The following XIRP1 variants were observed in gnomAD, a reference collection of about 807,000 sequenced individuals.
The protein encoded by XIRP1 is xin actin binding repeat containing 1.
For synonymous variants in XIRP1, 984 were observed against 947.0 expected (o/e 1.04, Z -0.72); for missense variants, 2,378 against 2,345.4 (o/e 1.01, Z -0.29).
In XIRP1 at chr3:39,185,872, C is replaced by T; in HGVS notation, c.3574G>A (p.Gly1192Arg). 1.2e-6 allele frequency: 2 copies of T among 1,613,456 alleles called. No homozygotes were observed. Among genetic ancestry groups the T allele is most frequent in the Non-Finnish European group, 1.7e-6 (2 of 1,179,710 alleles). Residue 1192 changes from glycine (G) to arginine (R), a missense_variant, in exon 2 of 2, where the codon GGG becomes AGG. Transcript: ENST00000340369. ...GTGCAGCCCCCAGGCTCCTCCCGCC[C>T]TGGCCCAGTACTCTGACCTGGGCCT... The part of the protein sequence containing the change: ...QGGPGQSTGP[G>R]REEPGGCTQM...
In XIRP1 at chr3:39,186,106, G is replaced by A. The variant is rs143544601; in HGVS notation, c.3340C>T (p.Pro1114Ser). The part of the protein sequence containing the change: ...RPGGGSDPRI[P>S]AAPRKVSREE... ...CTACTGACCTTTCTGGGGGCTGCTGGGATCCGGGGATCACTTCCACCCCCA... is the reference window on the plus strand; with the variant it reads ...CTACTGACCTTTCTGGGGGCTGCTGAGATCCGGGGATCACTTCCACCCCCA... Residue 1114 changes from proline to serine, a missense_variant, in exon 2 of 2, where the codon CCA becomes TCA. Coordinates refer to ENST00000340369, the MANE Select transcript of XIRP1 (RefSeq NM_194293.4). 25 of 1,613,302 alleles carry A rather than the reference G, an allele frequency of 1.5e-5. No individual in the cohort carries two copies. The African/African-American group carries it at 3.1e-4, about 20-fold the overall frequency.
At position 39,188,392 on chromosome 3, in the gene XIRP1, G is replaced by A. The variant is rs1290769856; in HGVS notation, c.1054C>T (p.Arg352Ter). The change falls in exon 2 of 2, where the codon CGA becomes TGA. Residue 352 changes from arginine (R) to a stop codon, truncating the protein, a stop_gained. Transcript: ENST00000340369. LOFTEE classifies it low-confidence loss of function (END_TRUNC). ...TCCCCCTTCAGAGTGTCCAGCGCTC[G>A]GGTCTCAAACAGATGCTGCTGCTGC... ...VQQQQHLFETRALDTLKGDEE... is the reference protein window; with the variant it reads ...VQQQQHLFET 15 of 1,613,018 alleles carry A rather than the reference G, an allele frequency of 9.3e-6. No homozygotes were observed. Among genetic ancestry groups the A allele is most frequent in the Admixed American group, 6.7e-5 (4 of 59,990 alleles).
rs1448737586 is a variant in XIRP1 at position 39,185,434 on chromosome 3, G to A, written c.4012C>T (p.Pro1338Ser). ...AAGGGCTTGGGCAGCCTCTGAGGAG[G>A]GTGGCTCTGGGTTAGGTGTGCAGGT... The part of the protein sequence containing the change: ...PKPAHLTQSH[P>S]PQRLPKPLPL... Residue 1338 changes from proline (P) to serine (S), a missense_variant, in exon 2 of 2, where the codon CCT becomes TCT. Coordinates refer to ENST00000340369, the MANE Select transcript of XIRP1 (RefSeq NM_194293.4). 6.2e-7 allele frequency: 1 copy of A among 1,609,092 alleles called. No individual in the cohort carries two copies. Among genetic ancestry groups the A allele is most frequent in the Admixed American group, 1.7e-5 (1 of 59,776 alleles).
Position 39,187,284 on chromosome 3 carries a change from G to A in XIRP1, c.2162C>T (p.Pro721Leu), listed in dbSNP as rs1320499681. The A allele has an allele frequency of 6.3e-7, 1 of 1,588,576 alleles. No homozygotes were observed. The change falls in exon 2 of 2, where the codon CCC becomes CTC. Residue 721 changes from proline (P) to leucine (L), a missense_variant. Pro to Leu is a moderately conservative substitution (Grantham distance 98). Coordinates refer to ENST00000340369, the MANE Select transcript of XIRP1 (RefSeq NM_194293.4). ...QEPRVIAGSI[P>L]AGSVHKFTWL... The stretch of plus-strand genomic sequence containing the variant: ...AGTGAACTTGTGGACAGAACCCGCG[G>A]GGATGGACCCAGCGATTACCCGGGG...
rs1403185975 is a variant in XIRP1, at chr3:39,188,455, G to C, written c.991C>G (p.Pro331Ala). The C allele has an allele frequency of 4.4e-6, 7 of 1,602,156 alleles. No individual in the cohort carries two copies. Among genetic ancestry groups the C allele is most frequent in the Non-Finnish European group, 6.0e-6 (7 of 1,171,914 alleles). Reference sequence around the variant, plus strand: ...CCAGGTGGGATAAGGTCTGGGGATGGCTGGAAGTCCTTCTCATCTACCAAG... The same window carrying C: ...CCAGGTGGGATAAGGTCTGGGGATGCCTGGAAGTCCTTCTCATCTACCAAG... ...EILVDEKDFQ[P>A]SPDLIPPGPD... is the part of the protein sequence containing the mutation. The change falls in exon 2 of 2, where the codon CCA becomes GCA. Residue 331 changes from proline to alanine, a missense_variant. Coordinates refer to ENST00000340369, the MANE Select transcript of XIRP1 (RefSeq NM_194293.4).
At chr3:39,191,291 C>T (rs562729264) in intron 1 of XIRP1, among the ~76,000 whole-genome samples, 110 of 152,268 alleles carry the variant, frequency 7.2e-4, no homozygotes, top group Non-Finnish European at 1.5e-3. Flanking sequence ...CCTGTCTCCA[C>T]CTCTACTCCA....
Position 39,185,123 on chromosome 3 carries a change from G to A in XIRP1, c.4323C>T (p.Gly1441=). The change falls in exon 2 of 2, where the codon GGC becomes GGT. Residue 1441 remains glycine (G), a synonymous_variant. Coordinates refer to ENST00000340369, the MANE Select transcript of XIRP1 (RefSeq NM_194293.4). The part of the protein sequence containing the change: ...LNHDPTSPQW[G]PGPSGEQPME... ...TGGGCTGCTCTCCTGAGGGGCCGGGGCCCCACTGTGGTGAGGTGGGATCAT... is the reference window on the plus strand; with the variant it reads ...TGGGCTGCTCTCCTGAGGGGCCGGGACCCCACTGTGGTGAGGTGGGATCAT... The A allele has an allele frequency of 6.4e-7, 1 of 1,566,776 alleles. No homozygotes were observed. Among genetic ancestry groups the A allele is most frequent in the Non-Finnish European group, 8.6e-7 (1 of 1,157,968 alleles).
At chr3:39,191,407 A>T (rs1389730539) in intron 1 of XIRP1, among the ~76,000 whole-genome samples, 1 of 145,100 alleles carries the variant, frequency 6.9e-6, no homozygotes, top group Non-Finnish European at 1.5e-5. Flanking sequence ...GGCCACAGAC[A>T]GTTATTATCA....
In XIRP1 at chr3:39,184,261, C is replaced by T; in HGVS notation, c.5185G>A (p.Val1729Met). ...TGKKDITQCS[V>M]QPEPAPPSAS... ...GAGGGAGGGGCAGGTTCAGGTTGCA[C>T]AGAGCACTGGGTGATGTCCTTCTTC... Residue 1729 changes from valine to methionine, a missense_variant, in exon 2 of 2, where the codon GTG (valine) becomes ATG (methionine). Val to Met is a conservative substitution (Grantham distance 21). Transcript: ENST00000340369. 1 of 1,614,032 alleles carries T rather than the reference C, an allele frequency of 6.2e-7. No individual in the cohort carries two copies. Among genetic ancestry groups the T allele is most frequent in the Non-Finnish European group, 8.5e-7 (1 of 1,179,992 alleles).
Position 39,187,259 on chromosome 3 carries a change from A to C in XIRP1, c.2187T>G (p.Thr729=), listed in dbSNP as rs372034296. Residue 729 remains threonine, a synonymous_variant, in exon 2 of 2, where the codon ACT becomes ACG. Transcript: ENST00000340369. ...SIPAGSVHKF[T]WLFENCPMGS... ...CCATGGGACAATTCTCAAAAAGCCA[A>C]GTGAACTTGTGGACAGAACCCGCGG... The C allele has an allele frequency of 6.3e-6, 10 of 1,582,502 alleles. No individual in the cohort carries two copies. The highest frequency in any genetic ancestry group is 8.6e-6 in the Non-Finnish European group (10 of 1,161,422).
rs1390113219 is a variant in XIRP1 at position 39,184,838 on chromosome 3, A to G, written c.4608T>C (p.Val1536=). ...CCAAGGTCTGTTCCTTCAGTTGAGC[A>G]ACTTCCGTGCTGACCCGTGTCAGCT... is the stretch of plus-strand genomic sequence containing the variant. The part of the protein sequence containing the change: ...FGELTRVSTE[V]AQLKEQTLAR... Residue 1536 remains valine, a synonymous_variant, in exon 2 of 2, where the codon GTT becomes GTC. Transcript: ENST00000340369. The G allele has an allele frequency of 2.5e-6, 4 of 1,613,372 alleles. No homozygotes were observed. The highest frequency in any genetic ancestry group is 3.4e-6 in the Non-Finnish European group (4 of 1,179,452).
Position 39,186,568 on chromosome 3 carries a change from C to T in XIRP1, c.2878G>A (p.Gly960Arg), listed in dbSNP as rs1238517678. ...ADPSPVPASEGAQSLHPTESI... is the reference protein window; with the variant it reads ...ADPSPVPASERAQSLHPTESI... ...TCAGTTGGGTGCAGGCTCTGGGCCC[C>T]CTCGCTGGCTGGCACTGGACTCGGG... is the stretch of plus-strand genomic sequence containing the variant. The change falls in exon 2 of 2, where the codon GGG becomes AGG. Residue 960 changes from glycine (G) to arginine (R), a missense_variant. Transcript: ENST00000340369. The T allele has an allele frequency of 1.9e-6, 3 of 1,611,372 alleles. No homozygotes were observed. Among genetic ancestry groups the T allele is most frequent in the Admixed American group, 3.3e-5 (2 of 59,940 alleles).
At position 39,185,613 on chromosome 3, in the gene XIRP1, TC is replaced by T. The variant is rs749492475; in HGVS notation, c.3832del (p.Asp1278ThrfsTer10). Reference protein sequence around the residue: ...DFPAGAHRAEDSIQQASEPLK... With the variant: ...DFPAGAHRAEXSIQQASEPLK... The stretch of plus-strand genomic sequence containing the variant: ...GGGCTCAGAGGCTTGCTGGATGGAG[TC>T]CTCAGCACGGTGGGCTCCAGCTGGA... On this transcript the variant is annotated frameshift_variant, in exon 2 of 2. Coordinates refer to ENST00000340369, the MANE Select transcript of XIRP1 (RefSeq NM_194293.4). LOFTEE classifies it low-confidence loss of function (END_TRUNC). 6.2e-7 allele frequency: 1 copy of T among 1,607,862 alleles called. No homozygotes were observed. The highest frequency in any genetic ancestry group is 1.3e-5 in the African/African-American group (1 of 74,332).
Position 39,186,500 on chromosome 3 carries a change from C to CA in XIRP1, c.2945dup (p.Met982IlefsTer83). On this transcript the variant is annotated frameshift_variant, in exon 2 of 2. Transcript: ENST00000340369. LOFTEE classifies it low-confidence loss of function (END_TRUNC). Reference sequence around the variant, plus strand: ...TGGCCCCTGAGGCTCTCAGATGCCCCATCCCCATGCTGGGGTCCAGTGGGG... The same window carrying CA: ...TGGCCCCTGAGGCTCTCAGATGCCCCAATCCCCATGCTGGGGTCCAGTGGGG... 6.2e-7 allele frequency: 1 copy of CA among 1,613,568 alleles called. No individual in the cohort carries two copies. The highest frequency in any genetic ancestry group is 8.5e-7 in the Non-Finnish European group (1 of 1,179,706).
Position 39,186,641 on chromosome 3 carries a change from T to C in XIRP1, c.2805A>G (p.Lys935=). ...GACTGTGCAGGCCACTCAGGTCTCC[T>C]TTATCTATGCAGCTGGCCAACAGCT... ...SVQLLASCID[K]GDLSGLHSLR... The change falls in exon 2 of 2, where the codon AAA becomes AAG. Residue 935 remains lysine, a synonymous_variant. Coordinates refer to ENST00000340369, the MANE Select transcript of XIRP1 (RefSeq NM_194293.4). 6.2e-7 allele frequency: 1 copy of C among 1,612,882 alleles called. No homozygotes were observed. The highest frequency in any genetic ancestry group is 8.5e-7 in the Non-Finnish European group (1 of 1,179,398).
At chr3:39,191,114 C>G (rs1252518935) in intron 1 of XIRP1, among the ~76,000 whole-genome samples, 1 of 152,204 alleles carries the variant, frequency 6.6e-6, no homozygotes, top group Non-Finnish European at 1.5e-5. Context: ...AGAGAGGAAA[C>G]TGAGACCTGC....
At position 39,192,509 on chromosome 3, in the gene XIRP1, C is replaced by T. The variant is rs1332726026; in HGVS notation, c.-144G>A. On this transcript the variant is annotated 5_prime_UTR_variant, in exon 1 of 2. Coordinates refer to ENST00000340369, the MANE Select transcript of XIRP1 (RefSeq NM_194293.4). ...TAGCAGCTGTGGTCTCAGGGTTCGT[C>T]GTTCCTCTGGAGGTTCTTGTTCAAA... is the stretch of plus-strand genomic sequence containing the variant. 3.3e-5 allele frequency: 5 copies of T among 152,426 alleles called. No homozygotes were observed. The East Asian group carries it at 5.8e-4, about 18-fold the overall frequency. The allele number at this position is 152,426 out of a possible 1,614,324, so 9.4% of individuals were successfully genotyped here.
chr3:39,185,852 G>GC lies in XIRP1; in HGVS notation c.3593dup (p.Cys1199LeufsTer53). On this transcript the variant is annotated frameshift_variant, in exon 2 of 2. Coordinates refer to ENST00000340369, the MANE Select transcript of XIRP1 (RefSeq NM_194293.4). LOFTEE classifies it low-confidence loss of function (END_TRUNC). ...GTGGCCCCCAGGCCATCTGTGTGCA[G>GC]CCCCCAGGCTCCTCCCGCCCTGGCC... 1 of 1,613,628 alleles carries GC rather than the reference G, an allele frequency of 6.2e-7. No homozygotes were observed. The highest frequency in any genetic ancestry group is 1.1e-5 in the South Asian group (1 of 91,028).
In XIRP1 at chr3:39,184,619, G is replaced by C. The variant is rs1377201441; in HGVS notation, c.4827C>G (p.Val1609=). Residue 1609 remains valine, a synonymous_variant, in exon 2 of 2, where the codon GTC becomes GTG. Coordinates refer to ENST00000340369, the MANE Select transcript of XIRP1 (RefSeq NM_194293.4). ...SGQEVGGQTA[V]KNQAKVECHT... is the part of the protein sequence containing the mutation. ...GGCATTCAACCTTGGCTTGGTTCTT[G>C]ACTGCAGTTTGACCTCCGACCTCCT... 6.2e-7 allele frequency: 1 copy of C among 1,613,786 alleles called. No homozygotes were observed. The highest frequency in any genetic ancestry group is 1.1e-5 in the South Asian group (1 of 91,076).
Sources: gnomAD v4.1 joint callset for allele counts (sites outside exome capture counted in the v4.1 genomes callset) on GRCh38, gnomAD v4.1.1 for gene constraint, MANE v1.5 for transcripts, NCBI Gene and HGNC (gene_info 2026-07-23, HGNC 2026-07-21) for gene names.